Variants in ANKRD36B observed in about 807,000 individuals in gnomAD.
ANKRD36B encodes the protein ankyrin repeat domain-containing protein 36B.
In ANKRD36B, 37 loss-of-function variants were observed where a neutral mutation model predicts 135.7. The ratio of observed to expected loss-of-function variants is 0.27; its 90% confidence interval spans 0.21 to 0.36. The LOEUF (loss-of-function observed/expected upper bound fraction) is 0.36. Ranked by LOEUF, ANKRD36B falls within the 10% of genes least tolerant of loss-of-function variation. ANKRD36B has a pLI of 1.00. For synonymous variants in ANKRD36B, 179 were observed against 348.1 expected (o/e 0.51, Z 5.41); for missense variants, 549 against 1,037.1 (o/e 0.53, Z 6.46).
rs2079377483 is a variant in ANKRD36B, at chr2:97,545,538, A to T, written c.1681+128T>A. 3.6e-6 allele frequency: 2 copies of T among 560,132 alleles called. 1 individual carries two copies. The highest frequency in any genetic ancestry group is 3.2e-5 in the South Asian group (2 of 61,914). 34.7% of individuals were successfully genotyped at this position (560,132 alleles called of 1,614,324 possible). ...CAGGGTCACCCGAGAACTTATTACA[A>T]ATGAATAATCTCAGGAATACTAAAT... On this transcript the variant is annotated intron_variant, in intron 24 of 43. Transcript: ENST00000359901.
At chr2:97,558,726 T>C (rs894172235) in intron 10 of ANKRD36B, 73 bp downstream of exon 10, 117 of 1,597,334 alleles carry the variant, frequency 7.3e-5, no homozygotes, top group Non-Finnish European at 9.7e-5. Flanking sequence ...AATCCCCCGC[T>C]GATTTATTCG....
intron 22 of ANKRD36B, among the ~76,000 whole-genome samples, chr2:97,546,611 G>T (rs2079492694): frequency 6.6e-6 from 1 of 151,638 alleles, no homozygotes; most frequent in South Asian, 2.1e-4. Flanking sequence ...ACAAGCATTA[G>T]ATATTAATCA....
chr2:97,498,227 AAGG>A lies in ANKRD36B; in HGVS notation c.*7-5375_*7-5373del, dbSNP rs564990330. On this transcript the variant is annotated intron_variant, in intron 43 of 43. Coordinates refer to ENST00000359901, the MANE Select transcript of ANKRD36B (RefSeq NM_001393939.1). ...AACTTTCATATAATATCAGTTTCTG[AAGG>A]AGAAGAAAAAGAAAAAGGCCTAGAA... Among the ~76,000 whole-genome samples the A allele has an allele frequency of 3.6e-3, 310 of 87,098 alleles. 30 individuals carry two copies. Among genetic ancestry groups the A allele is most frequent in the South Asian group, 0.012 (51 of 4,424 alleles). 57.1% of individuals were successfully genotyped at this position (87,098 alleles called of 152,430 possible).
chr2:97,555,142 A>C lies in ANKRD36B; in HGVS notation c.1099-10T>G. 1 of 1,611,908 alleles carries C rather than the reference A, an allele frequency of 6.2e-7. No homozygotes were observed. Among genetic ancestry groups the C allele is most frequent in the East Asian group, 2.2e-5 (1 of 44,758 alleles). ...TCTTGTCACTTGCAGTCTGAAAGTA[A>C]TTTGAAGCAAATTATCAATAAAGAA... is the stretch of plus-strand genomic sequence containing the variant. On this transcript the variant is annotated splice_polypyrimidine_tract_variant and intron_variant, in intron 13 of 43. Coordinates refer to ENST00000359901, the MANE Select transcript of ANKRD36B (RefSeq NM_001393939.1).
In ANKRD36B at chr2:97,556,967, T is replaced by C. The variant is rs760676803; in HGVS notation, c.1039A>G (p.Arg347Gly). 62 of 1,590,076 alleles carry C rather than the reference T, an allele frequency of 3.9e-5. No individual in the cohort carries two copies. Among genetic ancestry groups the C allele is most frequent in the Middle Eastern group, 2.3e-4 (1 of 4,414 alleles). The change falls in exon 12 of 44, where the codon AGA becomes GGA. Residue 347 changes from arginine to glycine, a missense_variant. Arg to Gly is a moderately radical substitution (Grantham distance 125). Coordinates refer to ENST00000359901, the MANE Select transcript of ANKRD36B (RefSeq NM_001393939.1). ...KKVSLLNIAT[R>G]IMGGGKSGTV... ...CCAGATTTCCCACCGCCCATTATTC[T>C]TGTGGCAATATTCAAAAGAGAAACT... is the stretch of plus-strand genomic sequence containing the variant.
chr2:97,585,177 A>G, intron 2 of ANKRD36B, 60 bp from the exon 3 acceptor site: 10 of 1,612,404 alleles, frequency 6.2e-6, no homozygotes, highest in Non-Finnish European at 8.5e-6. Context: ...AACACTCCGT[A>G]GGATTTCCTA....
chr2:97,568,630 G>A (rs1027364692), intron 6 of ANKRD36B, among the ~76,000 whole-genome samples: 11 of 152,132 alleles, frequency 7.2e-5, no homozygotes, highest in African/African-American at 2.7e-4. Flanking sequence ...TATCCAATCT[G>A]AGTGTTGTTT....
intron 6 of ANKRD36B, among the ~76,000 whole-genome samples, chr2:97,573,567 G>A (rs1246408945): frequency 6.6e-6 from 1 of 152,048 alleles, no homozygotes; most frequent in Non-Finnish European, 1.5e-5. Flanking sequence ...CCAAAAAAGA[G>A]CCCACATCAC....
rs1264337309 is a variant in ANKRD36B at position 97,528,812 on chromosome 2, G to A, written c.2265+3499C>T. 4.2e-5 allele frequency among the ~76,000 whole-genome samples: 4 copies of A among 94,932 alleles called. 2 individuals are homozygous for A. Among genetic ancestry groups the A allele is most frequent in the African/African-American group, 6.4e-5 (2 of 31,478 alleles). The allele number at this position is 94,932 out of a possible 152,430, so 62.3% of individuals were successfully genotyped here. A position where few individuals can be genotyped will look rare whatever the true frequency, so the allele number is the denominator to read the frequency against. ...TAAACTAGAAAATCTAGAAGAAATG[G>A]ATAAATTCCTGGACACATACACCCT... On this transcript the variant is annotated intron_variant, in intron 35 of 43. Coordinates refer to ENST00000359901, the MANE Select transcript of ANKRD36B (RefSeq NM_001393939.1).
In ANKRD36B at chr2:97,588,422, C is replaced by CT. The variant is rs1157638881; in HGVS notation, c.161+1102dup. On this transcript the variant is annotated intron_variant, in intron 1 of 43. Coordinates refer to ENST00000359901, the MANE Select transcript of ANKRD36B (RefSeq NM_001393939.1). ...TATTCTTACACATATTGGTGTGTTC[C>CT]TGGATTTTCTAACCTGTTCCATTCA... Among the ~76,000 whole-genome samples, 12 of 151,934 alleles carry CT rather than the reference C, an allele frequency of 7.9e-5. No individual in the cohort carries two copies. The East Asian group carries it at 2.3e-3, about 30-fold the overall frequency.
intron 6 of ANKRD36B, among the ~76,000 whole-genome samples, chr2:97,573,839 A>G (rs2082051693): frequency 6.6e-6 from 1 of 152,206 alleles, no homozygotes; most frequent in Non-Finnish European, 1.5e-5. Context: ...AGCCATATGT[A>G]GAAAGCTGAA....
chr2:97,573,472 T>C (rs2082021883), intron 6 of ANKRD36B, among the ~76,000 whole-genome samples: 3 of 152,108 alleles, frequency 2.0e-5, no homozygotes. Flanking sequence ...CCCAAGGTAA[T>C]TTATAGATTC....
intron 1 of ANKRD36B, among the ~76,000 whole-genome samples, chr2:97,587,151 C>A (rs984404166): frequency 6.6e-6 from 1 of 152,016 alleles, no homozygotes; most frequent in Non-Finnish European, 1.5e-5. Context: ...GCAGGCTGGG[C>A]GACAGGGTGA....
chr2:97,579,528 A>G (rs564999399), intron 4 of ANKRD36B, among the ~76,000 whole-genome samples: 10,352 of 147,610 alleles, frequency 0.07, 939 homozygotes, highest in African/African-American at 0.2. Context: ...AACACTATAT[A>G]TATATATATA....
At chr2:97,557,394 A>G (rs1366535011) in intron 10 of ANKRD36B, among the ~76,000 whole-genome samples, 2 of 151,724 alleles carry the variant, frequency 1.3e-5, no homozygotes, top group African/African-American at 4.8e-5. Context: ...AAAAGTGTCA[A>G]TATCAATGTG....
In ANKRD36B at chr2:97,558,918, A is replaced by T; in HGVS notation, c.895-47T>A. The T allele has an allele frequency of 1.9e-6, 3 of 1,608,142 alleles. No homozygotes were observed. The Middle Eastern group carries it at 5.1e-4, about 273-fold the overall frequency. On this transcript the variant is annotated intron_variant, in intron 9 of 43. Transcript: ENST00000359901. ...ATAATCAATATGTAAAGTAGGTTTC[A>T]TAGACTATACGGTTAATAGTTCAAC...
At chr2:97,552,012 TG>T (rs770724035) in intron 16 of ANKRD36B, among the ~76,000 whole-genome samples, 12 of 152,000 alleles carry the variant, frequency 7.9e-5, no homozygotes, top group Non-Finnish European at 1.8e-4. Context: ...TTAATCACCT[TG>T]GATATCTGGT....
intron 2 of ANKRD36B, 62 bp downstream of exon 2, chr2:97,585,222 C>A: frequency 5.1e-6 from 8 of 1,556,006 alleles, no homozygotes; most frequent in Non-Finnish European, 7.0e-6. Context: ...GAGATAAATT[C>A]ATTTTATCCT....
intron 10 of ANKRD36B, among the ~76,000 whole-genome samples, chr2:97,557,428 A>G (rs1337151420): frequency 1.3e-5 from 2 of 151,760 alleles, no homozygotes; most frequent in Admixed American, 1.3e-4. Context: ...ATGAAAAGAA[A>G]TGTGATCTAA....
Sources: allele counts gnomAD v4.1 joint callset (sites outside exome capture counted in the v4.1 genomes callset), GRCh38; gene constraint gnomAD v4.1.1; transcripts MANE v1.5; gene names NCBI Gene and HGNC (gene_info 2026-07-23, HGNC 2026-07-21).